Variants in PIK3C3 observed in about 807,000 individuals in gnomAD.
PIK3C3 encodes phosphatidylinositol 3-kinase catalytic subunit type 3.
A neutral mutation model predicts 126.1 loss-of-function variants in PIK3C3; 95 were observed. The ratio of observed to expected loss-of-function variants is 0.75; its 90% confidence interval spans 0.64 to 0.89. The LOEUF (loss-of-function observed/expected upper bound fraction) is 0.89. PIK3C3 is among the 40% of genes least tolerant of loss of function. PIK3C3 has a pLI of 0.00. For synonymous variants in PIK3C3, 374 were observed against 360.0 expected, an observed-to-expected ratio of 1.04 and a Z score of -0.44; for missense variants, 829 against 1,063.2, an observed-to-expected ratio of 0.78 and a Z score of 3.06.
At chr18:42,049,383 A>G (rs926108417) in intron 20 of PIK3C3, 148 bp from the exon 21 acceptor site, 24 of 495,870 alleles carry the variant, frequency 4.8e-5, no homozygotes, top group Non-Finnish European at 7.6e-5. Context: ...ACAGACATGA[A>G]GATTGCATAT....
chr18:42,005,986 G>T (rs1022450469), intron 10 of PIK3C3, among the ~76,000 whole-genome samples: 1 of 150,716 alleles, frequency 6.6e-6, no homozygotes, highest in East Asian at 2.2e-4. Context: ...ACAAATCAGG[G>T]GGCTCCCATA....
chr18:41,956,576 CAG>C (rs980849036), intron 1 of PIK3C3, among the ~76,000 whole-genome samples: 1 of 90,694 alleles, frequency 1.1e-5, no homozygotes, highest in Non-Finnish European at 1.9e-5. Context: ...TTTTTGGAGA[CAG>C]GGTCTCACTC....
chr18:42,078,191 C>T (rs1598964406), intron 24 of PIK3C3, among the ~76,000 whole-genome samples: 1 of 151,512 alleles, frequency 6.6e-6, no homozygotes, highest in East Asian at 2.0e-4. Flanking sequence ...TCCTGGCTAA[C>T]AAGGTGAAAC....
intron 16 of PIK3C3, 104 bp downstream of exon 16, chr18:42,034,061 A>G (rs1983943211): frequency 5.7e-6 from 4 of 696,728 alleles, no homozygotes; most frequent in Non-Finnish European, 8.9e-6. Flanking sequence ...TCACATCTAT[A>G]ATTCTAGTTG....
intron 20 of PIK3C3, among the ~76,000 whole-genome samples, chr18:42,046,230 C>G (rs964151525): frequency 1.3e-5 from 2 of 152,114 alleles, no homozygotes; most frequent in African/African-American, 4.8e-5. Flanking sequence ...TCTAGAAGAG[C>G]CTTCTGTTTT....
chr18:42,000,142 C>G (rs567905659), intron 9 of PIK3C3, among the ~76,000 whole-genome samples: 6 of 152,178 alleles, frequency 3.9e-5, no homozygotes, highest in East Asian at 1.9e-4. Context: ...CAACCTCCCC[C>G]TCCCAGGTTC....
At chr18:42,046,072 G>A (rs1225927313) in intron 20 of PIK3C3, among the ~76,000 whole-genome samples, 2 of 152,008 alleles carry the variant, frequency 1.3e-5, no homozygotes, top group African/African-American at 4.8e-5. Context: ...AAATATGACT[G>A]GCTTTTTCAT....
At chr18:41,982,637 T>C (rs1388716563) in intron 4 of PIK3C3, among the ~76,000 whole-genome samples, 1 of 152,208 alleles carries the variant, frequency 6.6e-6, no homozygotes, top group Non-Finnish European at 1.5e-5. Flanking sequence ...ATAATATACA[T>C]CTTCTACAGT....
chr18:42,054,686 A>C (rs762229417), intron 21 of PIK3C3, among the ~76,000 whole-genome samples: 5 of 152,082 alleles, frequency 3.3e-5, no homozygotes, highest in African/African-American at 9.7e-5. Flanking sequence ...TCTAAAGGCA[A>C]ATTTTTGCAT....
At chr18:42,065,785 G>C (rs1230670385) in intron 23 of PIK3C3, among the ~76,000 whole-genome samples, 2 of 152,100 alleles carry the variant, frequency 1.3e-5, no homozygotes, top group African/African-American at 4.8e-5. Flanking sequence ...TAGTGTATGT[G>C]TTAAGAATCT....
intron 7 of PIK3C3, among the ~76,000 whole-genome samples, chr18:41,994,877 AAAAAT>A (rs1326165955): frequency 2.0e-5 from 3 of 152,088 alleles, no homozygotes; most frequent in Admixed American, 6.6e-5. Context: ...ATCTCTACAA[AAAAAT>A]AAAATAAATT....
In PIK3C3 at chr18:42,049,519, CTG is replaced by C. The variant is rs751587036; in HGVS notation, c.2189-10_2189-9del. 1.0e-5 allele frequency: 16 copies of C among 1,604,742 alleles called. No individual in the cohort carries two copies. Among genetic ancestry groups the C allele is most frequent in the South Asian group, 2.2e-5 (2 of 90,436 alleles). ...ATTTGTTTTCACATATTTTTTTTAA[CTG>C]TTACTGCAGCTGGATATTGCGTGAT... is the stretch of plus-strand genomic sequence containing the variant. On this transcript the variant is annotated splice_polypyrimidine_tract_variant and intron_variant, in intron 20 of 24. Coordinates refer to ENST00000262039, the MANE Select transcript of PIK3C3 (RefSeq NM_002647.4).
intron 1 of PIK3C3, among the ~76,000 whole-genome samples, chr18:41,956,011 T>C (rs1979753073): frequency 6.8e-6 from 1 of 147,592 alleles, no homozygotes; most frequent in African/African-American, 2.4e-5. Context: ...TATCTTGAGA[T>C]GAGGATAATA....
chr18:41,991,389 A>G (rs1394269783), intron 6 of PIK3C3, among the ~76,000 whole-genome samples: 1 of 152,114 alleles, frequency 6.6e-6, no homozygotes, highest in Non-Finnish European at 1.5e-5. Flanking sequence ...AAATGTATGC[A>G]TAGTTTGAAA....
intron 21 of PIK3C3, among the ~76,000 whole-genome samples, chr18:42,053,255 G>A (rs1984885008): frequency 6.6e-6 from 1 of 152,158 alleles, no homozygotes; most frequent in African/African-American, 2.4e-5. Flanking sequence ...ATCTATACAA[G>A]AGTAATGTTC....
intron 13 of PIK3C3, among the ~76,000 whole-genome samples, chr18:42,021,143 G>A (rs1247069097): frequency 6.6e-6 from 1 of 152,172 alleles, no homozygotes; most frequent in East Asian, 1.9e-4. Flanking sequence ...TGCTGTAGCT[G>A]AACTTGATAG....
At chr18:42,056,637 A>G (rs1468528045) in intron 21 of PIK3C3, among the ~76,000 whole-genome samples, 3 of 152,184 alleles carry the variant, frequency 2.0e-5, no homozygotes, top group Non-Finnish European at 4.4e-5. Flanking sequence ...ATGTGTATCC[A>G]ACAAGGTAAA....
chr18:42,085,413 A>G lies in PIK3C3; in HGVS notation c.*4276A>G, dbSNP rs969242312. 3.3e-5 allele frequency: 5 copies of G among 152,224 alleles called. No homozygotes were observed. Among genetic ancestry groups the G allele is most frequent in the Non-Finnish European group, 7.3e-5 (5 of 68,030 alleles). The allele number at this position is 152,224 out of a possible 1,614,324, so 9.4% of individuals were successfully genotyped here. A position where few individuals can be genotyped will look rare whatever the true frequency, so the allele number is the denominator to read the frequency against. On this transcript the variant is annotated 3_prime_UTR_variant, in exon 25 of 25. Transcript: ENST00000262039. The stretch of plus-strand genomic sequence containing the variant: ...AGAAAAAAATTTAGGAAAAATTGCC[A>G]TGAAATCATGAGCTAAGTCAATGGT...
chr18:42,060,989 A>G (rs945546209), intron 22 of PIK3C3, among the ~76,000 whole-genome samples: 1 of 152,230 alleles, frequency 6.6e-6, no homozygotes, highest in Non-Finnish European at 1.5e-5. Context: ...TAGAATGTAG[A>G]GGAAATACAT....
Sources: gnomAD v4.1 joint callset for allele counts (sites outside exome capture counted in the v4.1 genomes callset) on GRCh38, gnomAD v4.1.1 for gene constraint, MANE v1.5 for transcripts, NCBI Gene and HGNC (gene_info 2026-07-23, HGNC 2026-07-21) for gene names.